RNF175: variants seen among roughly 807,000 people sequenced by gnomAD.
RNF175 encodes the protein ring finger protein 175.
RNF175 carries 38 observed loss-of-function variants against 50.0 expected under a neutral mutation model. The observed-to-expected ratio is 0.76, with a 90% CI of 0.59 to 1.00. The LOEUF (loss-of-function observed/expected upper bound fraction) is 1.00, where lower values mean the gene tolerates loss of function less well. Ranked by LOEUF, RNF175 falls within the 50% of genes least tolerant of loss-of-function variation. The pLI, the probability that RNF175 is intolerant of heterozygous loss-of-function variation, is 0.00. For synonymous variants in RNF175, 155 were observed against 146.1 expected (o/e 1.06, Z -0.44); for missense variants, 388 against 409.6 (o/e 0.95, Z 0.46).
chr4:153,742,739 C>A (rs60703658), intron 3 of RNF175, among the ~76,000 whole-genome samples: 65,008 of 151,440 alleles, frequency 0.43, 15,492 homozygotes, highest in East Asian at 0.81. Flanking sequence ...TCTCAAGGTA[C>A]CTGAGGTAAT....
chr4:153,753,945 C>T (rs1321657838), intron 1 of RNF175, among the ~76,000 whole-genome samples: 2 of 150,442 alleles, frequency 1.3e-5, no homozygotes, highest in African/African-American at 4.9e-5. Flanking sequence ...CCGAGGCGGG[C>T]GTATCACGAG....
At chr4:153,737,389 G>T (rs1049990866) in intron 3 of RNF175, among the ~76,000 whole-genome samples, 1 of 151,792 alleles carries the variant, frequency 6.6e-6, no homozygotes, top group Non-Finnish European at 1.5e-5. Context: ...AGTTTCCTCA[G>T]GTGGATTTTT....
At chr4:153,759,729 C>T in intron 1 of RNF175, 68 bp downstream of exon 1, 1 of 1,097,512 alleles carries the variant, frequency 9.1e-7, no homozygotes, top group Non-Finnish European at 1.3e-6. Context: ...GTGCAGCCTG[C>T]CCGGCACCAG....
At chr4:153,725,813 T>C (rs1738662727) in intron 4 of RNF175, among the ~76,000 whole-genome samples, 1 of 152,228 alleles carries the variant, frequency 6.6e-6, no homozygotes, top group Non-Finnish European at 1.5e-5. Context: ...AAATGCTCAA[T>C]ATGTCATATC....
At chr4:153,715,122 C>T in intron 7 of RNF175, 1 of 278,474 alleles carries the variant, frequency 3.6e-6, no homozygotes, top group Non-Finnish European at 7.2e-6. Context: ...AGATTCAGAC[C>T]TTGGGCTCCA....
At chr4:153,712,696 G>A (rs779333918) in intron 7 of RNF175, 120 bp from the exon 8 acceptor site, 8 of 687,520 alleles carry the variant, frequency 1.2e-5, no homozygotes, top group South Asian at 6.7e-5. Flanking sequence ...GAGGCACATC[G>A]CTTTTTTCGG....
intron 3 of RNF175, among the ~76,000 whole-genome samples, chr4:153,734,967 T>C (rs1272329433): frequency 2.6e-5 from 4 of 152,122 alleles, no homozygotes; most frequent in East Asian, 1.9e-4. Context: ...TGAGCCACCA[T>C]GCCTGGCCTC....
intron 3 of RNF175, among the ~76,000 whole-genome samples, chr4:153,737,721 T>C (rs976782948): frequency 6.6e-6 from 1 of 152,186 alleles, no homozygotes; most frequent in Non-Finnish European, 1.5e-5. Flanking sequence ...TGGCTCAGAA[T>C]GTGGTGTATT....
chr4:153,720,255 C>G lies in RNF175; in HGVS notation c.559G>C (p.Gly187Arg). The G allele has an allele frequency of 6.2e-7, 1 of 1,612,976 alleles. No homozygotes were observed. Among genetic ancestry groups the G allele is most frequent in the East Asian group, 2.2e-5 (1 of 44,852 alleles). The change falls in exon 6 of 9, where the codon GGC (glycine) becomes CGC (arginine). Residue 187 changes from glycine to arginine, a missense_variant. Gly to Arg is a moderately radical substitution (Grantham distance 125). Coordinates refer to ENST00000347063, the MANE Select transcript of RNF175 (RefSeq NM_173662.4). Reference sequence around the variant, plus strand: ...CTCCCCATTACTCCATAGTAGAGGCCGTAGAACAAAGACACAATGCCAAAA... The same window carrying G: ...CTCCCCATTACTCCATAGTAGAGGCGGTAGAACAAAGACACAATGCCAAAA... ...MDFGIVSLFY[G>R]LYYGVMGRDF...
At chr4:153,722,939 T>C (rs1738439865) in intron 5 of RNF175, among the ~76,000 whole-genome samples, 1 of 152,204 alleles carries the variant, frequency 6.6e-6, no homozygotes, top group African/African-American at 2.4e-5. Context: ...TGTTCAGTAG[T>C]CACATGAGCT....
chr4:153,751,486 TA>T lies in RNF175; in HGVS notation c.67-12del. 3 of 1,552,814 alleles carry T rather than the reference TA, an allele frequency of 1.9e-6. No individual in the cohort carries two copies. Among genetic ancestry groups the T allele is most frequent in the Non-Finnish European group, 1.7e-6 (2 of 1,147,496 alleles). On this transcript the variant is annotated splice_polypyrimidine_tract_variant and intron_variant, in intron 1 of 8. Coordinates refer to ENST00000347063, the MANE Select transcript of RNF175 (RefSeq NM_173662.4). ...CTTTGTATGAGAGAGCTGAAAAACA[TA>T]AAAAGGGCCCTTATCAAAAAATGTC...
chr4:153,730,499 G>GA (rs1227660537), intron 3 of RNF175, among the ~76,000 whole-genome samples: 1 of 151,974 alleles, frequency 6.6e-6, no homozygotes, highest in African/African-American at 2.4e-5. Flanking sequence ...TTCTGTAGCT[G>GA]ATTTTGGAGA....
rs1384409772 is a variant in RNF175 at position 153,728,344 on chromosome 4, C to T, written c.264G>A (p.Gln88=). The T allele has an allele frequency of 1.4e-5, 23 of 1,613,680 alleles. No homozygotes were observed. The highest frequency in any genetic ancestry group is 1.9e-5 in the Non-Finnish European group (22 of 1,179,764). ...TGAAATATAAGGGGACAACCCACAT[C>T]TGCAACAAGGTCACCAGCTGTCAGA... ...GRSYNLVTLL[Q]MWVVPLYFTI... is the part of the protein sequence containing the mutation. The change falls in exon 4 of 9, where the codon CAG becomes CAA. Residue 88 remains glutamine, a synonymous_variant. Transcript: ENST00000347063.
intron 6 of RNF175, among the ~76,000 whole-genome samples, chr4:153,718,239 T>TTTTTTTG (rs1738104213): frequency 7.5e-6 from 1 of 132,538 alleles, no homozygotes; most frequent in African/African-American, 2.9e-5. Flanking sequence ...TGTTTGTTTG[T>TTTTTTTG]TTTTTTTTTT....
At chr4:153,739,419 T>TA (rs1358421631) in intron 3 of RNF175, among the ~76,000 whole-genome samples, 3 of 152,074 alleles carry the variant, frequency 2.0e-5, no homozygotes, top group Admixed American at 2.0e-4. Flanking sequence ...TGTCTCAAAA[T>TA]AAAAAATAAA....
At chr4:153,722,988 T>C (rs1388839692) in intron 5 of RNF175, among the ~76,000 whole-genome samples, 1 of 152,188 alleles carries the variant, frequency 6.6e-6, no homozygotes, top group Non-Finnish European at 1.5e-5. Context: ...CTAGAGGTTT[T>C]AGATAAGAAG....
chr4:153,743,260 C>A (rs760718716), intron 3 of RNF175, among the ~76,000 whole-genome samples: 7 of 152,150 alleles, frequency 4.6e-5, no homozygotes, highest in Non-Finnish European at 5.9e-5. Context: ...CTCTGATGAC[C>A]ACTCTGGAGG....
chr4:153,759,938 C>A lies in RNF175; in HGVS notation c.-76G>T. On this transcript the variant is annotated 5_prime_UTR_variant, in exon 1 of 9. Coordinates refer to ENST00000347063, the MANE Select transcript of RNF175 (RefSeq NM_173662.4). ...CCGCAGAGTCCGCAGAAGGAGGCGC[C>A]GCGGGGCCTCGGGAGCCGAGGGTGA... is the stretch of plus-strand genomic sequence containing the variant. 1.1e-6 allele frequency: 1 copy of A among 884,856 alleles called. No individual in the cohort carries two copies. Among genetic ancestry groups the A allele is most frequent in the South Asian group, 3.3e-5 (1 of 30,220 alleles). 54.8% of individuals were successfully genotyped at this position (884,856 alleles called of 1,614,324 possible).
intron 3 of RNF175, among the ~76,000 whole-genome samples, chr4:153,739,381 A>G (rs563805078): frequency 6.6e-6 from 1 of 152,298 alleles, no homozygotes; most frequent in Admixed American, 6.5e-5. Context: ...AGATCACACC[A>G]TTGTACTCCA....
Sources: allele counts gnomAD v4.1 joint callset (sites outside exome capture counted in the v4.1 genomes callset), GRCh38; gene constraint gnomAD v4.1.1; transcripts MANE v1.5; gene names NCBI Gene and HGNC (gene_info 2026-07-23, HGNC 2026-07-21).